DUSP14: variants seen among roughly 807,000 people sequenced by gnomAD.
DUSP14 encodes dual specificity phosphatase 14.
Under a neutral mutation model 13.2 loss-of-function variants are expected in DUSP14, and 5 were observed. That is an observed-to-expected ratio of 0.38 (90% CI 0.20 to 0.80). The LOEUF (loss-of-function observed/expected upper bound fraction) is 0.80, where lower values mean the gene tolerates loss of function less well. Among genes scored for constraint, DUSP14 ranks in the 30% least tolerant of loss-of-function variants. The probability of loss-of-function intolerance (pLI) is 0.44; values close to 1 mark genes in which losing one functional copy is unlikely to be tolerated. For synonymous variants in DUSP14, 91 were observed against 103.4 expected (o/e 0.88, Z 0.73); for missense variants, 185 against 264.0 (o/e 0.70, Z 2.07).
upstream of DUSP14, among the ~76,000 whole-genome samples, chr17:37,489,383 C>A (rs549982272): frequency 1.3e-5 from 2 of 152,270 alleles, no homozygotes; most frequent in East Asian, 1.9e-4. Flanking sequence ...GGAACTGCCG[C>A]GCTACTGATT....
intron 1 of DUSP14, among the ~76,000 whole-genome samples, chr17:37,501,589 C>T (rs1249978331): frequency 9.9e-5 from 15 of 152,086 alleles, no homozygotes; most frequent in Admixed American, 9.8e-4. Flanking sequence ...AATCTCGGCT[C>T]ACTGCAACCT....
At chr17:37,490,748 C>T (rs1161651165) in intron 1 of DUSP14, among the ~76,000 whole-genome samples, 2 of 151,966 alleles carry the variant, frequency 1.3e-5, no homozygotes, top group East Asian at 1.9e-4. Context: ...GCAGGACCTC[C>T]GGACATTTAG....
Position 37,513,129 on chromosome 17 carries a change from T to C in DUSP14, c.*260T>C. ...TTAGCTTTTAATCATTTTTACCAATTTGAACAGTTTAATAAACTGGTTCTG... is the reference window on the plus strand; with the variant it reads ...TTAGCTTTTAATCATTTTTACCAATCTGAACAGTTTAATAAACTGGTTCTG... On this transcript the variant is annotated 3_prime_UTR_variant, in exon 3 of 3. Coordinates refer to ENST00000617516, the MANE Select transcript of DUSP14 (RefSeq NM_007026.4). 1.9e-6 allele frequency: 1 copy of C among 514,692 alleles called. No homozygotes were observed. The highest frequency in any genetic ancestry group is 3.5e-6 in the Non-Finnish European group (1 of 283,758). 31.9% of individuals were successfully genotyped at this position (514,692 alleles called of 1,614,324 possible).
chr17:37,494,214 T>C (rs1433973047), intron 1 of DUSP14, among the ~76,000 whole-genome samples: 5 of 152,038 alleles, frequency 3.3e-5, no homozygotes, highest in Non-Finnish European at 7.4e-5. Context: ...AGAATGGTCT[T>C]AATCTCCTGA....
chr17:37,496,620 C>T (rs907283217), intron 1 of DUSP14, among the ~76,000 whole-genome samples: 2 of 151,926 alleles, frequency 1.3e-5, no homozygotes, highest in East Asian at 3.9e-4. Flanking sequence ...CGGGAGTGGT[C>T]GTGGGCCCCT....
rs573038810 is a variant in DUSP14 at position 37,497,755 on chromosome 17, AAAGAC to A, written c.-181+7808_-181+7812del. 2.3e-3 allele frequency among the ~76,000 whole-genome samples: 342 copies of A among 151,830 alleles called. 4 individuals are homozygous for A. Among genetic ancestry groups the A allele is most frequent in the African/African-American group, 7.9e-3 (326 of 41,354 alleles). ...AGGATTCTTGCTCAAAAAAAAAAAA[AAAGAC>A]AAGACAAGACTAAGCATGGTGGCCC... On this transcript the variant is annotated intron_variant, in intron 1 of 2. Coordinates refer to ENST00000617516, the MANE Select transcript of DUSP14 (RefSeq NM_007026.4).
At position 37,496,897 on chromosome 17, in the gene DUSP14, CAGAGTA is replaced by C. The variant is rs2054068791; in HGVS notation, c.-181+6943_-181+6948del. On this transcript the variant is annotated intron_variant, in intron 1 of 2. Coordinates refer to ENST00000617516, the MANE Select transcript of DUSP14 (RefSeq NM_007026.4). ...AGCCACTGCACTCCAGCCTGGGCAA[CAGAGTA>C]AGACTCTGTCTCAAAAAAAAAAAAA... Among the ~76,000 whole-genome samples, 3 of 116,336 alleles carry C rather than the reference CAGAGTA, an allele frequency of 2.6e-5. No homozygotes were observed. In the Admixed American group the frequency reaches 3.3e-4, roughly 13 times the overall value. 76.3% of individuals were successfully genotyped at this position (116,336 alleles called of 152,430 possible).
intron 1 of DUSP14, chr17:37,509,882 T>A (rs1405945218): frequency 6.7e-6 from 1 of 150,214 alleles, no homozygotes; most frequent in Non-Finnish European, 1.5e-5. Flanking sequence ...GCAGTTTATA[T>A]GTCAAGAACA....
intron 1 of DUSP14, among the ~76,000 whole-genome samples, chr17:37,493,994 CTTTT>C (rs1250993098): frequency 2.1e-5 from 3 of 140,140 alleles, no homozygotes; most frequent in Non-Finnish European, 3.1e-5. Context: ...CTCTTTTAAA[CTTTT>C]TTTTTTTTTT....
rs1944194377 is a variant in DUSP14, at chr17:37,512,933, C to T, written c.*64C>T. Reference sequence around the variant, plus strand: ...GCATCTGCTCCCCGCCGTCTGCTCCCTCTCCACTCTCTTCTCAAATGGCTG... The same window carrying T: ...GCATCTGCTCCCCGCCGTCTGCTCCTTCTCCACTCTCTTCTCAAATGGCTG... On this transcript the variant is annotated 3_prime_UTR_variant, in exon 3 of 3. Transcript: ENST00000617516. This position sits in a 1 kb window ranked among gnomAD's most constrained non-coding sequence, Gnocchi z 4.8. 7.5e-6 allele frequency: 10 copies of T among 1,326,266 alleles called. No individual in the cohort carries two copies. The highest frequency in any genetic ancestry group is 2.1e-5 in the Admixed American group (1 of 47,096). 82.2% of individuals were successfully genotyped at this position (1,326,266 alleles called of 1,614,324 possible). A position where few individuals can be genotyped will look rare whatever the true frequency, so the allele number is the denominator to read the frequency against.
At chr17:37,501,681 A>T (rs975823430) in intron 1 of DUSP14, among the ~76,000 whole-genome samples, 1 of 152,030 alleles carries the variant, frequency 6.6e-6, no homozygotes, top group African/African-American at 2.4e-5. Flanking sequence ...ACGCCTGGCT[A>T]ATTTTCGTAT....
Position 37,512,879 on chromosome 17 carries a change from AGCCTGCGTCAGCAGCCCGAGCGGG to A in DUSP14, c.*14_*37del, listed in dbSNP as rs759146778. The A allele has an allele frequency of 7.8e-5, 124 of 1,587,304 alleles. No individual in the cohort carries two copies. The highest frequency in any genetic ancestry group is 7.8e-6 in the Non-Finnish European group (9 of 1,160,276). Reference sequence around the variant, plus strand: ...TTACTGGGGGATTTAGTGCCACTGAAGCCTGCGTCAGCAGCCCGAGCGGGGCCGGCATCTGCTCCCCGCCGTCTG... The same window carrying A: ...TTACTGGGGGATTTAGTGCCACTGAAGCCGGCATCTGCTCCCCGCCGTCTG... On this transcript the variant is annotated 3_prime_UTR_variant, in exon 3 of 3. Transcript: ENST00000617516. The surrounding 1 kb of genome is among the most constrained non-coding windows in gnomAD (Gnocchi z 4.8).
chr17:37,512,200 G>T lies in DUSP14; in HGVS notation c.-73G>T. On this transcript the variant is annotated 5_prime_UTR_variant, in exon 3 of 3. Transcript: ENST00000617516. The surrounding 1 kb of genome is among the most constrained non-coding windows in gnomAD (Gnocchi z 4.8). ...TTGCAGGAAGGAGACTCTAATTTTG[G>T]ATTCCTTGGTGGAGGAAAATAAAAC... 2.3e-6 allele frequency: 3 copies of T among 1,317,384 alleles called. No individual in the cohort carries two copies. Among genetic ancestry groups the T allele is most frequent in the Non-Finnish European group, 3.1e-6 (3 of 959,520 alleles). The allele number at this position is 1,317,384 out of a possible 1,614,324, so 81.6% of individuals were successfully genotyped here.
At chr17:37,511,549 G>C (rs1050454800) in intron 2 of DUSP14, among the ~76,000 whole-genome samples, 1 of 150,224 alleles carries the variant, frequency 6.7e-6, no homozygotes, top group African/African-American at 2.5e-5. Flanking sequence ...CCAAAGTACT[G>C]GGATTACAGG....
chr17:37,506,102 A>ATTTT (rs2054136030), intron 1 of DUSP14, among the ~76,000 whole-genome samples: 2 of 151,958 alleles, frequency 1.3e-5, no homozygotes, highest in Non-Finnish European at 2.9e-5. Context: ...GTTTCTACTA[A>ATTTT]AAAATACAAA....
rs1568206961 is a variant in DUSP14 at position 37,512,920 on chromosome 17, CG to C, written c.*52del. On this transcript the variant is annotated 3_prime_UTR_variant, in exon 3 of 3. Coordinates refer to ENST00000617516, the MANE Select transcript of DUSP14 (RefSeq NM_007026.4). The surrounding 1 kb of genome is among the most constrained non-coding windows in gnomAD (Gnocchi z 4.8). ...CCGAGCGGGGCCGGCATCTGCTCCC[CG>C]CCGTCTGCTCCCTCTCCACTCTCTT... 1.1e-5 allele frequency: 16 copies of C among 1,458,340 alleles called. No individual in the cohort carries two copies. The highest frequency in any genetic ancestry group is 1.8e-4 in the Middle Eastern group (1 of 5,574). The allele number at this position is 1,458,340 out of a possible 1,614,324, so 90.3% of individuals were successfully genotyped here. A position where few individuals can be genotyped will look rare whatever the true frequency, so the allele number is the denominator to read the frequency against.
chr17:37,506,670 G>A (rs1244819700), intron 1 of DUSP14, among the ~76,000 whole-genome samples: 1 of 152,132 alleles, frequency 6.6e-6, no homozygotes, highest in Non-Finnish European at 1.5e-5. Flanking sequence ...TAATACCCAT[G>A]GGTTTTTTAT....
chr17:37,502,772 A>G (rs2054113419), intron 1 of DUSP14, among the ~76,000 whole-genome samples: 1 of 152,154 alleles, frequency 6.6e-6, no homozygotes, highest in Non-Finnish European at 1.5e-5. Flanking sequence ...TCCTCACAGC[A>G]TGGCAGCTGG....
intron 1 of DUSP14, among the ~76,000 whole-genome samples, chr17:37,502,444 A>G (rs547747783): frequency 3.3e-5 from 5 of 150,924 alleles, no homozygotes; most frequent in African/African-American, 4.9e-5. Context: ...TCGGCCTCCT[A>G]AAGTGCTGGA....
Sources: allele counts gnomAD v4.1 joint callset (sites outside exome capture counted in the v4.1 genomes callset), GRCh38; gene constraint gnomAD v4.1.1; non-coding constraint Gnocchi (gnomAD v3.1); transcripts MANE v1.5; gene names NCBI Gene and HGNC (gene_info 2026-07-23, HGNC 2026-07-21).